The following UGT2A3 variants were observed in gnomAD, a reference collection of about 807,000 sequenced individuals.
The protein encoded by UGT2A3 is UDP-glucuronosyltransferase 2A3.
UGT2A3 carries 55 observed loss-of-function variants against 44.1 expected under a neutral mutation model. That is an observed-to-expected ratio of 1.25 (90% CI 1.00 to 1.56). The LOEUF is 1.56. UGT2A3 is among the 40% of genes most tolerant of loss of function. UGT2A3 has a pLI of 0.00. For missense variants in UGT2A3, 733 were observed against 621.6 expected, an observed-to-expected ratio of 1.18 and a Z score of -1.91; for synonymous variants, 243 against 215.1, an observed-to-expected ratio of 1.13 and a Z score of -1.13.
intron 2 of UGT2A3, among the ~76,000 whole-genome samples, chr4:68,936,122 A>G (rs1035129140): frequency 6.6e-6 from 1 of 152,148 alleles, no homozygotes; most frequent in South Asian, 2.1e-4. Context: ...GAATGGAACC[A>G]AGTTAGAAAA....
At chr4:68,948,430 CT>C (rs1553902662) in intron 1 of UGT2A3, among the ~76,000 whole-genome samples, 5 of 69,710 alleles carry the variant, frequency 7.2e-5, no homozygotes, top group South Asian at 5.2e-4. Flanking sequence ...TTTTTCTTTT[CT>C]TTTTTTTCTT....
In UGT2A3 at chr4:68,951,183, G is replaced by A. The variant is rs375022148; in HGVS notation, c.578C>T (p.Pro193Leu). 6.0e-5 allele frequency: 97 copies of A among 1,612,006 alleles called. No homozygotes were observed. The highest frequency in any genetic ancestry group is 6.2e-5 in the Non-Finnish European group (73 of 1,179,038). ...GKLPAPLSYVPVPMTGLTDRM... is the reference protein window; with the variant it reads ...GKLPAPLSYVLVPMTGLTDRM... ...GTCTGTTAGTCCTGTCATAGGCACA[G>A]GTACATAGGAAAGTGGAGCTGGAAG... The change falls in exon 1 of 6, where the codon CCT (proline) becomes CTT (leucine). Residue 193 changes from proline to leucine, a missense_variant. By Grantham distance (98) the Pro-to-Leu change is moderately conservative. Coordinates refer to ENST00000251566, the MANE Select transcript of UGT2A3 (RefSeq NM_024743.4).
Position 68,930,679 on chromosome 4 carries a change from C to CTGA in UGT2A3, c.1170_1171insTCA (p.Gly390_Val391insSer). The CTGA allele has an allele frequency of 6.2e-7, 1 of 1,613,394 alleles. No homozygotes were observed. Among genetic ancestry groups the CTGA allele is most frequent in the Non-Finnish European group, 8.5e-7 (1 of 1,179,576 alleles). Reference sequence around the variant, plus strand: ...TCAAGCTGATCACCAAATATGGGAACTCCCACCATAGGGACCCCATGGTAA... The same window carrying CTGA: ...TCAAGCTGATCACCAAATATGGGAACTGATCCCACCATAGGGACCCCATGGTAA... On this transcript the variant is annotated inframe_insertion, in exon 5 of 6. Transcript: ENST00000251566.
intron 1 of UGT2A3, 115 bp from the exon 2 acceptor site, chr4:68,945,569 T>C (rs1049080379): frequency 3.0e-6 from 2 of 668,438 alleles, no homozygotes; most frequent in African/African-American, 1.9e-5. Context: ...TAGAACAACA[T>C]GGCTTTTAGA....
At chr4:68,941,773 C>T (rs1336880198) in intron 2 of UGT2A3, among the ~76,000 whole-genome samples, 1 of 151,764 alleles carries the variant, frequency 6.6e-6, no homozygotes, top group African/African-American at 2.4e-5. Context: ...ACATAGAAGT[C>T]ACATCAGTCA....
chr4:68,929,695 T>C lies in UGT2A3; in HGVS notation c.*118A>G. On this transcript the variant is annotated 3_prime_UTR_variant, in exon 6 of 6. Transcript: ENST00000251566. ...CTCATGATCGTGGAATTCTAGGCTATATAGCTAAGATAAAATAACAGAATA... is the reference window on the plus strand; with the variant it reads ...CTCATGATCGTGGAATTCTAGGCTACATAGCTAAGATAAAATAACAGAATA... 1.0e-6 allele frequency: 1 copy of C among 973,184 alleles called. No homozygotes were observed. Among genetic ancestry groups the C allele is most frequent in the Non-Finnish European group, 1.5e-6 (1 of 652,256 alleles). 60.3% of individuals were successfully genotyped at this position (973,184 alleles called of 1,614,324 possible).
intron 2 of UGT2A3, among the ~76,000 whole-genome samples, chr4:68,936,378 C>A (rs1308027213): frequency 6.6e-6 from 1 of 152,042 alleles, no homozygotes; most frequent in Non-Finnish European, 1.5e-5. Context: ...GCAAACCCTA[C>A]AAGCCAGAAG....
chr4:68,942,339 C>CTCTA (rs1173763752), intron 2 of UGT2A3, among the ~76,000 whole-genome samples: 3 of 133,292 alleles, frequency 2.3e-5, no homozygotes, highest in Non-Finnish European at 3.3e-5. Flanking sequence ...CTCTCTCTCT[C>CTCTA]TATATATATA....
chr4:68,928,654 A>G lies in UGT2A3; in HGVS notation c.*1159T>C, dbSNP rs1375375210. On this transcript the variant is annotated 3_prime_UTR_variant, in exon 6 of 6. Coordinates refer to ENST00000251566, the MANE Select transcript of UGT2A3 (RefSeq NM_024743.4). ...TATTTATTTAAAACTATTAATAGGC[A>G]TATCACTAAGATTATATGACAGTAA... is the stretch of plus-strand genomic sequence containing the variant. The G allele has an allele frequency of 6.6e-6, 1 of 152,020 alleles. No individual in the cohort carries two copies. Among genetic ancestry groups the G allele is most frequent in the East Asian group, 1.9e-4 (1 of 5,168 alleles). 9.4% of individuals were successfully genotyped at this position (152,020 alleles called of 1,614,324 possible). A position where few individuals can be genotyped will look rare whatever the true frequency, so the allele number is the denominator to read the frequency against.
chr4:68,930,499 A>G (rs777008663), intron 5 of UGT2A3, 47 bp downstream of exon 5: 7 of 1,479,164 alleles, frequency 4.7e-6, no homozygotes, highest in African/African-American at 4.2e-5. Flanking sequence ...GGTATAATGT[A>G]TAACATAGTC....
At position 68,928,524 on chromosome 4, in the gene UGT2A3, T is replaced by C. The variant is rs922835557; in HGVS notation, c.*1289A>G. 3.3e-5 allele frequency: 5 copies of C among 152,100 alleles called. No individual in the cohort carries two copies. The highest frequency in any genetic ancestry group is 9.6e-5 in the African/African-American group (4 of 41,454). The allele number at this position is 152,100 out of a possible 1,614,324, so 9.4% of individuals were successfully genotyped here. A position where few individuals can be genotyped will look rare whatever the true frequency, so the allele number is the denominator to read the frequency against. ...TATACATACACAAGAAAAATACTTA[T>C]ATTTATTTTTATATCATCATTTTAA... On this transcript the variant is annotated 3_prime_UTR_variant, in exon 6 of 6. Transcript: ENST00000251566.
At chr4:68,934,347 A>G (rs1051326604) in intron 2 of UGT2A3, among the ~76,000 whole-genome samples, 1 of 151,944 alleles carries the variant, frequency 6.6e-6, no homozygotes, top group African/African-American at 2.4e-5. Flanking sequence ...TAACATCTCA[A>G]GGAATTAGAA....
intron 2 of UGT2A3, among the ~76,000 whole-genome samples, chr4:68,934,490 T>A (rs1717859997): frequency 6.6e-6 from 1 of 151,810 alleles, no homozygotes; most frequent in Non-Finnish European, 1.5e-5. Context: ...TTTGAAGAGA[T>A]AAAATCGACA....
At chr4:68,933,972 G>A (rs1311239381) in intron 2 of UGT2A3, among the ~76,000 whole-genome samples, 1 of 151,888 alleles carries the variant, frequency 6.6e-6, no homozygotes, top group Non-Finnish European at 1.5e-5. Flanking sequence ...TAACACCACT[G>A]CATATCACCT....
In UGT2A3 at chr4:68,931,169, T is replaced by A. The variant is rs747620254; in HGVS notation, c.1070A>T (p.Gln357Leu). 1.9e-6 allele frequency: 3 copies of A among 1,612,668 alleles called. No homozygotes were observed. In the East Asian group the frequency reaches 6.7e-5, roughly 36 times the overall value. The part of the protein sequence containing the change: ...ANTRLYDWIP[Q>L]NDLLGHPKTK... ...CATAGACCTACCAAGAAGATCATTC[T>A]GGGGTATCCAATCATACAGCCGAGT... Residue 357 changes from glutamine (Q) to leucine (L), a missense_variant, in exon 4 of 6, where the codon CAG becomes CTG. Coordinates refer to ENST00000251566, the MANE Select transcript of UGT2A3 (RefSeq NM_024743.4).
At chr4:68,945,241 A>G in intron 2 of UGT2A3, 65 bp downstream of exon 2, 3 of 1,577,938 alleles carry the variant, frequency 1.9e-6, no homozygotes, top group South Asian at 1.1e-5. Flanking sequence ...CTAAGGTTGT[A>G]ATCTTTCAAG....
intron 1 of UGT2A3, among the ~76,000 whole-genome samples, 189 bp downstream of exon 1, chr4:68,950,857 T>C (rs1305059689): frequency 1.3e-5 from 2 of 151,858 alleles, no homozygotes; most frequent in Non-Finnish European, 2.9e-5. Context: ...CATTTTTAAG[T>C]ATATTACTGG....
rs1717781895 is a variant in UGT2A3, at chr4:68,932,732, C to A, written c.892G>T (p.Gly298Trp). ...KEMENFVQSS[G>W]EDGIVVFSLG... Reference sequence around the variant, plus strand: ...GAAAACACCACAATACCATCTTCCCCTGAACTCTGGACAAAATTTTCCATT... The same window carrying A: ...GAAAACACCACAATACCATCTTCCCATGAACTCTGGACAAAATTTTCCATT... The change falls in exon 3 of 6, where the codon GGG becomes TGG. Residue 298 changes from glycine (G) to tryptophan (W), a missense_variant. Transcript: ENST00000251566. The A allele has an allele frequency of 6.2e-7, 1 of 1,609,820 alleles. No individual in the cohort carries two copies.
chr4:68,945,487 T>C (rs749597125), intron 1 of UGT2A3, 33 bp from the exon 2 acceptor site: 2 of 1,523,652 alleles, frequency 1.3e-6, no homozygotes, highest in Non-Finnish European at 1.8e-6. Context: ...TGAATTAGCA[T>C]ACAATTCAAA....
Sources: allele counts gnomAD v4.1 joint callset (sites outside exome capture counted in the v4.1 genomes callset), GRCh38; gene constraint gnomAD v4.1.1; transcripts MANE v1.5; gene names NCBI Gene and HGNC (gene_info 2026-07-23, HGNC 2026-07-21).